The following SYNE1 variants were observed in gnomAD, a reference collection of about 807,000 sequenced individuals.
SYNE1 encodes the protein nesprin-1.
Under a neutral mutation model 1,111.0 loss-of-function variants are expected in SYNE1, and 616 were observed. The ratio of observed to expected loss-of-function variants is 0.55; its 90% CI spans 0.52 to 0.59. SYNE1 has a LOEUF of 0.59. Among genes scored for constraint, SYNE1 ranks in the 20% least tolerant of loss-of-function variants. SYNE1 has a pLI of 0.00. For missense variants in SYNE1, 10,006 were observed against 10,417.0 expected, an observed-to-expected ratio of 0.96 and a Z score of 1.72; for synonymous variants, 3,855 against 3,825.8, an observed-to-expected ratio of 1.01 and a Z score of -0.28.
At chr6:152,168,724 T>C (rs528294388) in intron 130 of SYNE1, among the ~76,000 whole-genome samples, 19 of 151,966 alleles carry the variant, frequency 1.3e-4, no homozygotes, top group Non-Finnish European at 2.2e-4. Context: ...TATGCAAGAG[T>C]TTTAGGGGTT....
At chr6:152,539,259 T>G (rs2099258435) in intron 4 of SYNE1, among the ~76,000 whole-genome samples, 1 of 152,220 alleles carries the variant, frequency 6.6e-6, no homozygotes, top group African/African-American at 2.4e-5. Flanking sequence ...ATCCTCTAAC[T>G]GAATTCAGAC....
chr6:152,306,302 G>A (rs6929804), intron 91 of SYNE1, among the ~76,000 whole-genome samples: 100,848 of 151,762 alleles, frequency 0.66, 33,968 homozygotes, highest in East Asian at 0.85. Flanking sequence ...CCTGGCCAAC[G>A]TGGTGAAACC....
At chr6:152,411,255 A>G (rs538901162) in intron 42 of SYNE1, among the ~76,000 whole-genome samples, 6 of 152,092 alleles carry the variant, frequency 3.9e-5, no homozygotes, top group African/African-American at 1.4e-4. Flanking sequence ...ACTGTGTTCC[A>G]CTCGTTTATA....
chr6:152,344,505 C>T (rs2096596782), intron 73 of SYNE1, among the ~76,000 whole-genome samples: 1 of 152,126 alleles, frequency 6.6e-6, no homozygotes, highest in Non-Finnish European at 1.5e-5. Context: ...TAGAGGCATG[C>T]TAGAATACAT....
intron 44 of SYNE1, among the ~76,000 whole-genome samples, chr6:152,407,992 A>C (rs930810162): frequency 4.6e-5 from 7 of 152,052 alleles, no homozygotes; most frequent in Non-Finnish European, 8.8e-5. Context: ...CGAACTCCTG[A>C]CCTGAAGTGA....
chr6:152,245,649 T>C (rs2086921379), intron 105 of SYNE1, among the ~76,000 whole-genome samples: 1 of 152,156 alleles, frequency 6.6e-6, no homozygotes, highest in Non-Finnish European at 1.5e-5. Context: ...TACATGATAA[T>C]TGACTTAGGA....
intron 78 of SYNE1, 55 bp from the exon 79 acceptor site, chr6:152,326,688 G>T (rs2096074413): frequency 6.5e-7 from 1 of 1,532,624 alleles, no homozygotes. Context: ...GTGTTTGCAG[G>T]AAAGAGTTTT....
At chr6:152,221,908 C>T (rs1300586053) in intron 117 of SYNE1, among the ~76,000 whole-genome samples, 1 of 152,104 alleles carries the variant, frequency 6.6e-6, no homozygotes, top group Non-Finnish European at 1.5e-5. Context: ...ATGTCCTTGT[C>T]CTTGGTTCAG....
intron 140 of SYNE1, among the ~76,000 whole-genome samples, chr6:152,138,872 G>A (rs184897178): frequency 7.3e-4 from 111 of 152,276 alleles, no homozygotes; most frequent in Non-Finnish European, 4.4e-5. Flanking sequence ...CTGGAGTTAA[G>A]GTGTACTATA....
chr6:152,129,959 GCA>G (rs1312214833), intron 145 of SYNE1, among the ~76,000 whole-genome samples: 1 of 152,202 alleles, frequency 6.6e-6, no homozygotes, highest in Non-Finnish European at 1.5e-5. Context: ...GAGCAGAGGA[GCA>G]CAGACACCAC....
intron 73 of SYNE1, among the ~76,000 whole-genome samples, chr6:152,346,677 GC>G (rs1363250347): frequency 1.3e-5 from 2 of 151,952 alleles, no homozygotes; most frequent in Admixed American, 6.5e-5. Flanking sequence ...AGGCGTGGTG[GC>G]GGGCGCCTGT....
chr6:152,502,689 A>G lies in SYNE1; in HGVS notation c.832T>C (p.Phe278Leu). 8 of 1,613,944 alleles carry G rather than the reference A, an allele frequency of 5.0e-6. No homozygotes were observed. The highest frequency in any genetic ancestry group is 5.9e-6 in the Non-Finnish European group (7 of 1,179,914). The change falls in exon 10 of 146, where the codon TTT becomes CTT. Residue 278 changes from phenylalanine to leucine, a missense_variant. This residue lies in a region of SYNE1 where 1,971 missense variants were observed against 2,084.1 expected (regional missense o/e 0.95). Transcript: ENST00000367255. ...TGGATGTCAGGATAATGTTTCAGAA[A>G]CTGGGCTACATAGGTCATAATAGAT... ...EKSIMTYVAQ[F>L]LKHYPDIHNA...
At chr6:152,521,116 T>C (rs548464436) in intron 5 of SYNE1, among the ~76,000 whole-genome samples, 2 of 152,292 alleles carry the variant, frequency 1.3e-5, no homozygotes, top group Admixed American at 6.5e-5. Context: ...ATGCTTAGTT[T>C]TTAATTTTAT....
chr6:152,283,233 GA>G (rs2094134910), intron 96 of SYNE1, among the ~76,000 whole-genome samples: 1 of 152,204 alleles, frequency 6.6e-6, no homozygotes, highest in African/African-American at 2.4e-5. Context: ...AGTAACGTGG[GA>G]ACCAGAATAG....
chr6:152,584,699 G>A (rs1186564634), intron 3 of SYNE1, among the ~76,000 whole-genome samples: 3 of 152,034 alleles, frequency 2.0e-5, no homozygotes, highest in East Asian at 3.8e-4. Flanking sequence ...CACTGCACCC[G>A]GCCTTATACT....
At chr6:152,243,636 AT>A (rs780229855) in intron 106 of SYNE1, among the ~76,000 whole-genome samples, 1 of 152,224 alleles carries the variant, frequency 6.6e-6, no homozygotes, top group Non-Finnish European at 1.5e-5. Context: ...TTATGATATT[AT>A]GAAATGTTAG....
rs1563553600 is a variant in SYNE1 at position 152,381,283 on chromosome 6, G to A, written c.8732C>T (p.Thr2911Ile). The A allele has an allele frequency of 6.2e-7, 1 of 1,614,224 alleles. No homozygotes were observed. Residue 2911 changes from threonine (T) to isoleucine (I), a missense_variant, in exon 56 of 146, where the codon ACA (threonine) becomes ATA (isoleucine). By Grantham distance (89) the Thr-to-Ile change is moderately conservative. This residue lies in a region of SYNE1 where 4,955 missense variants were observed against 5,017.2 expected (regional missense o/e 0.99). Coordinates refer to ENST00000367255, the MANE Select transcript of SYNE1 (RefSeq NM_182961.4). ...CATGAGCTCACACCCACTGGCAGTT[G>A]TGTTCTGTTTCACTTCGGGAGCCAG... ...ESLAPEVKQN[T>I]TASGCELMHT...
intron 55 of SYNE1, among the ~76,000 whole-genome samples, chr6:152,383,562 C>T (rs978416900): frequency 2.0e-5 from 3 of 152,288 alleles, no homozygotes; most frequent in Middle Eastern, 6.8e-3. Context: ...TCACACCCTC[C>T]TACTCTTCCC....
rs546742281 is a variant in SYNE1, at chr6:152,525,520, C to T, written c.225+560G>A. Among the ~76,000 whole-genome samples the T allele has an allele frequency of 2.0e-4, 31 of 152,266 alleles. No homozygotes were observed. In the South Asian group the frequency reaches 2.5e-3, roughly 12 times the overall value. On this transcript the variant is annotated intron_variant, in intron 5 of 145. Coordinates refer to ENST00000367255, the MANE Select transcript of SYNE1 (RefSeq NM_182961.4). ...ATTATTTGACAATGTAGAAAATGTA[C>T]TTTCTAGCTCACTGTTAATGTTGTT... is the stretch of plus-strand genomic sequence containing the variant.
Sources: allele counts gnomAD v4.1 joint callset (sites outside exome capture counted in the v4.1 genomes callset), GRCh38; gene constraint gnomAD v4.1.1; regional missense constraint gnomAD v4.1.1; transcripts MANE v1.5; gene names NCBI Gene and HGNC (gene_info 2026-07-23, HGNC 2026-07-21).